The following KRT73 variants were observed in gnomAD, a reference collection of about 807,000 sequenced individuals.
KRT73 encodes keratin, type II cytoskeletal 73.
In KRT73, 44 loss-of-function variants were observed where a neutral mutation model predicts 47.2. That is an observed-to-expected ratio of 0.93 (90% CI 0.73 to 1.20). The LOEUF (loss-of-function observed/expected upper bound fraction) is 1.20. Ranked by LOEUF, KRT73 falls within the 50% of genes most tolerant of loss-of-function variation. The probability of loss-of-function intolerance (pLI) is 0.00; values close to 1 mark genes in which losing one functional copy is unlikely to be tolerated. For synonymous variants in KRT73, 285 were observed against 291.3 expected (o/e 0.98, Z 0.22); for missense variants, 713 against 704.5 (o/e 1.01, Z -0.14).
At chr12:52,610,565 A>G (rs1245825203) in intron 7 of KRT73, 50 bp downstream of exon 7, 1 of 806,126 alleles carries the variant, frequency 1.2e-6, no homozygotes, top group Non-Finnish European at 1.9e-6. Context: ...ACTCTGGGAA[A>G]CTTTAAGGTG....
intron 7 of KRT73, 147 bp from the exon 8 acceptor site, chr12:52,609,428 C>T (rs1346751204): frequency 4.2e-6 from 3 of 718,164 alleles, no homozygotes; most frequent in Non-Finnish European, 7.7e-6. Flanking sequence ...GCTGCCCTTG[C>T]ATGTCTCTAA....
At chr12:52,612,088 C>A (rs1476184102) in intron 5 of KRT73, among the ~76,000 whole-genome samples, 1 of 152,208 alleles carries the variant, frequency 6.6e-6, no homozygotes, top group Non-Finnish European at 1.5e-5. Flanking sequence ...CAAAAAAAGT[C>A]TGATGAATGA....
upstream of KRT73, among the ~76,000 whole-genome samples, chr12:52,618,853 C>A (rs76863782): frequency 6.6e-6 from 1 of 152,154 alleles, no homozygotes; most frequent in Non-Finnish European, 1.5e-5. Flanking sequence ...ATTGCTGTTC[C>A]CCAGGGAGTG....
the KRT73 span, among the ~76,000 whole-genome samples, chr12:52,624,176 A>T: frequency 6.6e-6 from 1 of 152,226 alleles, no homozygotes; most frequent in African/African-American, 2.4e-5. Context: ...ATTTAAAAAG[A>T]CCAATTCACC....
At chr12:52,615,132 A>G in intron 3 of KRT73, 147 bp downstream of exon 3, 1 of 641,404 alleles carries the variant, frequency 1.6e-6, no homozygotes, top group South Asian at 2.0e-5. Flanking sequence ...GGTGTCCCAA[A>G]ATGTCCCAAG....
At chr12:52,610,369 G>T (rs929614879) in intron 7 of KRT73, 6 of 487,232 alleles carry the variant, frequency 1.2e-5, no homozygotes, top group South Asian at 2.1e-5. Context: ...GAACCACTGC[G>T]CCTGGCCATC....
Position 52,618,087 on chromosome 12 carries a change from G to T in KRT73, c.438C>A (p.Phe146Leu). ...CTCCAGAAAGACCCACCTTGTCAAT[G>T]AAGGAGGCGAACTTGTTGTTCAGCA... ...IKVLNNKFAS[F>L]IDKVRFLEQQ... Residue 146 changes from phenylalanine (F) to leucine (L), a missense_variant, in exon 1 of 9, where the codon TTC becomes TTA. Coordinates refer to ENST00000305748, the MANE Select transcript of KRT73 (RefSeq NM_175068.3). The T allele has an allele frequency of 6.2e-7, 1 of 1,613,628 alleles. No homozygotes were observed. The highest frequency in any genetic ancestry group is 8.5e-7 in the Non-Finnish European group (1 of 1,179,854).
the KRT73 span, among the ~76,000 whole-genome samples, chr12:52,625,865 A>C: frequency 6.6e-6 from 1 of 152,250 alleles, no homozygotes; most frequent in East Asian, 1.9e-4. Flanking sequence ...GAGTAAAAAA[A>C]AAAATCCTCA....
rs112461877 is a variant in KRT73 at position 52,609,145 on chromosome 12, G to T, written c.1366+102C>A. ...GAGTATGTGACCAAGTGGTCAACAG[G>T]CAGAGCCAAGCTCTTCCTCAGGGGG... On this transcript the variant is annotated intron_variant, in intron 8 of 8. Transcript: ENST00000305748. 7 of 1,011,494 alleles carry T rather than the reference G, an allele frequency of 6.9e-6. No homozygotes were observed. In the African/African-American group the frequency reaches 1.1e-4, roughly 16 times the overall value. The allele number at this position is 1,011,494 out of a possible 1,614,324, so 62.7% of individuals were successfully genotyped here. A position where few individuals can be genotyped will look rare whatever the true frequency, so the allele number is the denominator to read the frequency against.
rs568733320 is a variant in KRT73, at chr12:52,613,591, A to C, written c.984+97T>G. 187 of 1,557,496 alleles carry C rather than the reference A, an allele frequency of 1.2e-4. 3 individuals are homozygous for C. In the South Asian group the frequency reaches 1.9e-3, roughly 16 times the overall value. On this transcript the variant is annotated intron_variant, in intron 5 of 8. Transcript: ENST00000305748. ...CCCAGGAGAGTGCTGTGCTCCCAGC[A>C]AGCTATGGGCCACCACAGTGAGTCA... is the stretch of plus-strand genomic sequence containing the variant.
upstream of KRT73, among the ~76,000 whole-genome samples, chr12:52,620,109 C>CTTTTTT (rs10638831): frequency 6.7e-4 from 63 of 94,424 alleles, 1 homozygote; most frequent in East Asian, 1.7e-3. Context: ...TCCTTTTTTT[C>CTTTTTT]TTTTTTTTTT....
chr12:52,627,546 T>C, the KRT73 span, among the ~76,000 whole-genome samples: 1 of 152,200 alleles, frequency 6.6e-6, no homozygotes, highest in East Asian at 1.9e-4. Context: ...GACTGGAAAC[T>C]GCCTTCTGAG....
upstream of KRT73, among the ~76,000 whole-genome samples, chr12:52,621,710 C>T (rs57819618): frequency 0.049 from 7,490 of 152,238 alleles, 617 homozygotes; most frequent in African/African-American, 0.17. Flanking sequence ...TATTCCATCT[C>T]AACACACAGA....
At chr12:52,613,894 A>G in intron 4 of KRT73, 42 bp from the exon 5 acceptor site, 1 of 1,598,732 alleles carries the variant, frequency 6.3e-7, no homozygotes, top group Non-Finnish European at 8.5e-7. Context: ...TTCTGTGACC[A>G]GAGAAAGGTC....
upstream of KRT73, among the ~76,000 whole-genome samples, chr12:52,620,268 C>G (rs185949458): frequency 2.9e-3 from 446 of 151,990 alleles, 2 homozygotes; most frequent in Non-Finnish European, 4.9e-3. Flanking sequence ...CCACGCCCGG[C>G]TAATTTTGTA....
At chr12:52,613,971 C>A in intron 4 of KRT73, 119 bp from the exon 5 acceptor site, 1 of 1,446,852 alleles carries the variant, frequency 6.9e-7, no homozygotes, top group Admixed American at 2.3e-5. Context: ...AGCTGCACTT[C>A]CCAAAGCTTG....
chr12:52,610,667 G>A lies in KRT73; in HGVS notation c.1279C>T (p.Leu427=), dbSNP rs749593083. 1.9e-6 allele frequency: 3 copies of A among 1,613,566 alleles called. No individual in the cohort carries two copies. The highest frequency in any genetic ancestry group is 1.3e-5 in the African/African-American group (1 of 74,730). The change falls in exon 7 of 9, where the codon CTG becomes TTG. Residue 427 remains leucine, a synonymous_variant. Coordinates refer to ENST00000305748, the MANE Select transcript of KRT73 (RefSeq NM_175068.3). The stretch of plus-strand genomic sequence containing the variant: ...CGGTAGGTGGCGATCTCAATATCCA[G>A]GGACAGCTTCACGCTCAAAAGCTCT... The part of the protein sequence containing the change: ...YQELLSVKLS[L]DIEIATYRKL...
chr12:52,614,197 C>A (rs1321365736), intron 4 of KRT73: 2 of 337,958 alleles, frequency 5.9e-6, no homozygotes, highest in Non-Finnish European at 1.1e-5. Context: ...GGCTTGAAAC[C>A]AGATGTACAT....
chr12:52,629,624 G>C, the KRT73 span, among the ~76,000 whole-genome samples: 2 of 152,278 alleles, frequency 1.3e-5, no homozygotes, highest in African/African-American at 4.8e-5. Context: ...GATCCTGACC[G>C]CACAGCAAAT....
Sources: allele counts gnomAD v4.1 joint callset (sites outside exome capture counted in the v4.1 genomes callset), GRCh38; gene constraint gnomAD v4.1.1; transcripts MANE v1.5; gene names NCBI Gene and HGNC (gene_info 2026-07-23, HGNC 2026-07-21).